Variants in FSTL4 observed in about 807,000 individuals in gnomAD.
FSTL4 encodes the protein follistatin-related protein 4.
FSTL4 carries 28 observed loss-of-function variants against 78.2 expected under a neutral mutation model. The ratio of observed to expected loss-of-function variants is 0.36; its 90% confidence interval spans 0.27 to 0.49. FSTL4 has a LOEUF of 0.49. Ranked by LOEUF, FSTL4 falls within the 20% of genes least tolerant of loss-of-function variation. FSTL4 has a pLI of 0.98. For missense variants in FSTL4, 922 were observed against 1,084.9 expected, an observed-to-expected ratio of 0.85 and a Z score of 2.11; for synonymous variants, 422 against 440.5, an observed-to-expected ratio of 0.96 and a Z score of 0.53.
intron 4 of FSTL4, among the ~76,000 whole-genome samples, chr5:133,335,436 G>C (rs1157881919): frequency 6.6e-6 from 1 of 151,982 alleles, no homozygotes; most frequent in East Asian, 1.9e-4. Flanking sequence ...AGACGTCAAG[G>C]GTCTCCTGCC....
chr5:133,478,770 C>T (rs1757968493), intron 3 of FSTL4, among the ~76,000 whole-genome samples: 1 of 152,002 alleles, frequency 6.6e-6, no homozygotes, highest in Middle Eastern at 3.2e-3. Context: ...GCAGTTTCTG[C>T]TTGGGGCTAT....
intron 6 of FSTL4, among the ~76,000 whole-genome samples, chr5:133,306,609 G>A (rs757742351): frequency 6.6e-6 from 1 of 152,174 alleles, no homozygotes; most frequent in Non-Finnish European, 1.5e-5. Context: ...CCAGCTGTGG[G>A]GCCCCAACAA....
intron 3 of FSTL4, among the ~76,000 whole-genome samples, chr5:133,539,732 G>A (rs1759429084): frequency 6.6e-6 from 1 of 152,090 alleles, no homozygotes; most frequent in Admixed American, 6.5e-5. Flanking sequence ...TTCTCAGCCT[G>A]CTTCCTTCTT....
chr5:133,281,535 C>T (rs2126859292), intron 6 of FSTL4, among the ~76,000 whole-genome samples: 1 of 152,176 alleles, frequency 6.6e-6, no homozygotes, highest in Non-Finnish European at 1.5e-5. Flanking sequence ...TGCAGGATTC[C>T]CAAGCTGAGC....
chr5:133,813,232 A>T, the FSTL4 span, among the ~76,000 whole-genome samples: 1 of 152,262 alleles, frequency 6.6e-6, no homozygotes. Context: ...AAAGAAAAAA[A>T]TAAACGTGAA....
At chr5:133,699,208 C>T in the FSTL4 span, among the ~76,000 whole-genome samples, 1 of 152,120 alleles carries the variant, frequency 6.6e-6, no homozygotes, top group African/African-American at 2.4e-5. Context: ...GTCACTTAGG[C>T]TCACCAGTGT....
intron 6 of FSTL4, among the ~76,000 whole-genome samples, chr5:133,252,813 C>A (rs1334236713): frequency 2.0e-5 from 3 of 152,130 alleles, no homozygotes; most frequent in Non-Finnish European, 4.4e-5. Flanking sequence ...TAATAGGAAA[C>A]AAAAATCCAA....
chr5:133,217,437 T>G, intron 12 of FSTL4, 59 bp from the exon 13 acceptor site: 254 of 1,490,528 alleles, frequency 1.7e-4, no homozygotes, highest in Non-Finnish European at 2.1e-4. Flanking sequence ...CCAACATCTC[T>G]AGGTACTCTC....
intron 4 of FSTL4, among the ~76,000 whole-genome samples, chr5:133,395,690 C>T (rs997344504): frequency 1.3e-5 from 2 of 151,978 alleles, no homozygotes; most frequent in Non-Finnish European, 2.9e-5. Flanking sequence ...ATCACTTGCT[C>T]TTCCCGGAGA....
intron 3 of FSTL4, among the ~76,000 whole-genome samples, chr5:133,434,507 C>T (rs2126998373): frequency 6.6e-6 from 1 of 152,254 alleles, no homozygotes; most frequent in East Asian, 1.9e-4. Flanking sequence ...TTCCTTTAAC[C>T]AGTCACTGCT....
the FSTL4 span, among the ~76,000 whole-genome samples, chr5:133,831,076 G>A: frequency 6.6e-6 from 1 of 152,142 alleles, no homozygotes; most frequent in Non-Finnish European, 1.5e-5. Flanking sequence ...TTCTGCCCTG[G>A]TGTTGTAAAA....
At chr5:133,748,006 C>A in the FSTL4 span, among the ~76,000 whole-genome samples, 1 of 151,972 alleles carries the variant, frequency 6.6e-6, no homozygotes, top group African/African-American at 2.4e-5. Flanking sequence ...ACCATCCTGG[C>A]CAACATGGTG....
At chr5:133,295,440 C>T (rs1231486710) in intron 6 of FSTL4, among the ~76,000 whole-genome samples, 1 of 152,152 alleles carries the variant, frequency 6.6e-6, no homozygotes, top group Admixed American at 6.5e-5. Context: ...ACAGACATGC[C>T]GGTTGCTCAC....
intron 6 of FSTL4, among the ~76,000 whole-genome samples, chr5:133,304,053 G>C (rs1753605948): frequency 6.6e-6 from 1 of 152,172 alleles, no homozygotes; most frequent in African/African-American, 2.4e-5. Context: ...GAAGGCTCAG[G>C]CATTCACATC....
chr5:133,232,557 T>C (rs2126802551), intron 8 of FSTL4, among the ~76,000 whole-genome samples: 1 of 152,318 alleles, frequency 6.6e-6, no homozygotes, highest in East Asian at 1.9e-4. Flanking sequence ...GACTGTGAAC[T>C]ACATCCTCTG....
intron 3 of FSTL4, among the ~76,000 whole-genome samples, chr5:133,432,520 T>C (rs1756960822): frequency 6.6e-6 from 1 of 152,208 alleles, no homozygotes; most frequent in African/African-American, 2.4e-5. Context: ...TTCGAGCTGC[T>C]ATGAGACTTG....
the FSTL4 span, among the ~76,000 whole-genome samples, chr5:133,677,396 C>A: frequency 6.6e-6 from 1 of 152,312 alleles, no homozygotes; most frequent in Admixed American, 6.5e-5. Flanking sequence ...CTTATACTCT[C>A]ATTGTCCATG....
At chr5:133,764,791 C>T in the FSTL4 span, among the ~76,000 whole-genome samples, 7 of 152,264 alleles carry the variant, frequency 4.6e-5, no homozygotes, top group East Asian at 5.8e-4. Context: ...ACATTCGATC[C>T]GAATCTTCAG....
chr5:133,207,598 A>G (rs909488602), intron 14 of FSTL4, among the ~76,000 whole-genome samples: 1 of 152,200 alleles, frequency 6.6e-6, no homozygotes, highest in Admixed American at 6.6e-5. Flanking sequence ...AATGAGGTTT[A>G]AAGTGAAGTT....
Sources: allele counts gnomAD v4.1 joint callset (sites outside exome capture counted in the v4.1 genomes callset), GRCh38; gene constraint gnomAD v4.1.1; transcripts MANE v1.5; gene names NCBI Gene and HGNC (gene_info 2026-07-23, HGNC 2026-07-21).